The following PUM2 variants were observed in gnomAD, a reference collection of about 807,000 sequenced individuals.
PUM2 encodes the protein pumilio RNA binding family member 2.
In PUM2, 57 loss-of-function variants were observed where a neutral mutation model predicts 124.5. The observed-to-expected ratio is 0.46, with a 90% CI of 0.37 to 0.57. The LOEUF (loss-of-function observed/expected upper bound fraction) is 0.57. PUM2 is among the 20% of genes least tolerant of loss of function. The probability of loss-of-function intolerance (pLI) is 0.00; values close to 1 mark genes in which losing one functional copy is unlikely to be tolerated. For synonymous variants in PUM2, 460 were observed against 446.1 expected, an observed-to-expected ratio of 1.03 and a Z score of -0.39; for missense variants, 1,065 against 1,290.6, an observed-to-expected ratio of 0.83 and a Z score of 2.68.
rs182561429 is a variant in PUM2, at chr2:20,268,174, C to T, written c.1958-4714G>A. Among the ~76,000 whole-genome samples the T allele has an allele frequency of 1.1e-4, 16 of 152,286 alleles. No homozygotes were observed. In the East Asian group the frequency reaches 2.5e-3, roughly 24 times the overall value. Reference sequence around the variant, plus strand: ...TAAGAATACAGATTCCTGACCCTTACTTAAGACATAGATAATTACTCCTTC... The same window carrying T: ...TAAGAATACAGATTCCTGACCCTTATTTAAGACATAGATAATTACTCCTTC... On this transcript the variant is annotated intron_variant, in intron 13 of 20. Transcript: ENST00000361078.
rs1291205385 is a variant in PUM2 at position 20,267,612 on chromosome 2, A to C, written c.1958-4152T>G. Among the ~76,000 whole-genome samples, 9 of 152,306 alleles carry C rather than the reference A, an allele frequency of 5.9e-5. No individual in the cohort carries two copies. In the East Asian group the frequency reaches 1.5e-3, roughly 26 times the overall value. ...AGAGATAAGGTCTTTTCATTTCGTCATTCAGTCCCCACTATCATTCATGAC... is the reference window on the plus strand; with the variant it reads ...AGAGATAAGGTCTTTTCATTTCGTCCTTCAGTCCCCACTATCATTCATGAC... On this transcript the variant is annotated intron_variant, in intron 13 of 20. Transcript: ENST00000361078.
chr2:20,294,312 A>C, intron 9 of PUM2, 64 bp downstream of exon 9: 12 of 1,558,542 alleles, frequency 7.7e-6, no homozygotes, highest in Non-Finnish European at 1.0e-5. Context: ...CACAAATCTT[A>C]AACATTAGGA....
Position 20,327,335 on chromosome 2 carries a change from G to C in PUM2, c.26C>G (p.Ala9Gly), listed in dbSNP as rs1206775490. The part of the protein sequence containing the change: MNHDFQAL[A>G]LESRGMGELL... Reference sequence around the variant, plus strand: ...CTCTCCCATTCCCCGAGATTCTAATGCAAGAGCTTGAAAATCATGATTCAT... The same window carrying C: ...CTCTCCCATTCCCCGAGATTCTAATCCAAGAGCTTGAAAATCATGATTCAT... Residue 9 changes from alanine (A) to glycine (G), a missense_variant, in exon 2 of 21, where the codon GCA becomes GGA. Coordinates refer to ENST00000361078, the MANE Select transcript of PUM2 (RefSeq NM_015317.5). 1 of 1,581,200 alleles carries C rather than the reference G, an allele frequency of 6.3e-7. No homozygotes were observed. The highest frequency in any genetic ancestry group is 1.4e-5 in the African/African-American group (1 of 74,006).
At chr2:20,298,014 A>C (rs1046891644) in intron 7 of PUM2, among the ~76,000 whole-genome samples, 3 of 152,250 alleles carry the variant, frequency 2.0e-5, no homozygotes, top group Non-Finnish European at 4.4e-5. Flanking sequence ...GACTGGCATA[A>C]AATAAATGTG....
chr2:20,314,235 T>C (rs1424674228), intron 3 of PUM2, among the ~76,000 whole-genome samples: 5 of 152,182 alleles, frequency 3.3e-5, no homozygotes, highest in East Asian at 3.8e-4. Flanking sequence ...ACGCACTGGA[T>C]AGATCAGAAC....
rs907024510 is a variant in PUM2, at chr2:20,250,238, T to A, written c.*1347A>T. On this transcript the variant is annotated 3_prime_UTR_variant, in exon 21 of 21. Transcript: ENST00000361078. Reference sequence around the variant, plus strand: ...ACAACTATGTTATAAAACAAAATGATCTCACAATAATAAAAAGAAAGCTGG... The same window carrying A: ...ACAACTATGTTATAAAACAAAATGAACTCACAATAATAAAAAGAAAGCTGG... The A allele has an allele frequency of 5.9e-5, 9 of 152,458 alleles. No homozygotes were observed. The highest frequency in any genetic ancestry group is 1.7e-4 in the African/African-American group (7 of 41,388). 9.4% of individuals were successfully genotyped at this position (152,458 alleles called of 1,614,324 possible). A position where few individuals can be genotyped will look rare whatever the true frequency, so the allele number is the denominator to read the frequency against.
intron 3 of PUM2, 77 bp downstream of exon 3, chr2:20,318,460 T>C (rs1681525021): frequency 8.4e-6 from 11 of 1,313,416 alleles, no homozygotes; most frequent in Admixed American, 8.3e-5. Context: ...GGAGACTCAC[T>C]CTAAAAAAAA....
chr2:20,293,788 T>C (rs935419627), intron 9 of PUM2, among the ~76,000 whole-genome samples: 3 of 152,092 alleles, frequency 2.0e-5, no homozygotes, highest in Admixed American at 6.5e-5. Flanking sequence ...AGCAATACCA[T>C]GGTGCTTCTT....
intron 20 of PUM2, among the ~76,000 whole-genome samples, chr2:20,253,015 T>C (rs741189): frequency 0.029 from 4,356 of 152,280 alleles, 62 homozygotes; most frequent in Middle Eastern, 0.048. Context: ...TATATGCAAA[T>C]ACTATACGCT....
intron 1 of PUM2, among the ~76,000 whole-genome samples, chr2:20,345,744 C>CG (rs1173805549): frequency 3.9e-5 from 6 of 152,014 alleles, no homozygotes; most frequent in Non-Finnish European, 5.9e-5. Context: ...TGGTGGTGGG[C>CG]GCCTGTAATC....
At position 20,308,502 on chromosome 2, in the gene PUM2, C is replaced by A; in HGVS notation, c.601G>T (p.Gly201Trp). ...TTAGCTGTAGGATTAGGAAGAGGCC[C>A]CAGTCCTTCTGAGGGATTAGTATTG... The part of the protein sequence containing the change: ...GPNTNPSEGL[G>W]PLPNPTANKP... Residue 201 changes from glycine (G) to tryptophan (W), a missense_variant, in exon 6 of 21, where the codon GGG becomes TGG. Coordinates refer to ENST00000361078, the MANE Select transcript of PUM2 (RefSeq NM_015317.5). 1 of 1,614,110 alleles carries A rather than the reference C, an allele frequency of 6.2e-7. No individual in the cohort carries two copies. The highest frequency in any genetic ancestry group is 1.1e-5 in the South Asian group (1 of 91,072).
chr2:20,291,295 G>A (rs1291129952), intron 9 of PUM2, among the ~76,000 whole-genome samples: 1 of 152,188 alleles, frequency 6.6e-6, no homozygotes, highest in African/African-American at 2.4e-5. Context: ...CAACATCGAA[G>A]AAACTTTCCT....
intron 20 of PUM2, among the ~76,000 whole-genome samples, chr2:20,252,199 C>T (rs533374280): frequency 6.6e-6 from 1 of 152,276 alleles, no homozygotes; most frequent in African/African-American, 2.4e-5. Flanking sequence ...TAGGTAGACA[C>T]TTAGAGGCCA....
At chr2:20,340,978 T>C (rs905116356) in intron 1 of PUM2, among the ~76,000 whole-genome samples, 1 of 152,246 alleles carries the variant, frequency 6.6e-6, no homozygotes, top group Non-Finnish European at 1.5e-5. Context: ...AGAGTATTAA[T>C]GACACATCAA....
At chr2:20,317,669 A>G (rs1681315519) in intron 3 of PUM2, among the ~76,000 whole-genome samples, 1 of 152,054 alleles carries the variant, frequency 6.6e-6, no homozygotes, top group Non-Finnish European at 1.5e-5. Flanking sequence ...TAAAAAAAGT[A>G]CCTGATGGGT....
chr2:20,291,508 T>C (rs1442664057), intron 9 of PUM2, among the ~76,000 whole-genome samples: 1 of 152,230 alleles, frequency 6.6e-6, no homozygotes, highest in African/African-American at 2.4e-5. Flanking sequence ...GAGAAGAGAA[T>C]GTTGAACAAG....
In PUM2 at chr2:20,318,268, C is replaced by T. The variant is rs202244652; in HGVS notation, c.160+269G>A. 8.5e-5 allele frequency among the ~76,000 whole-genome samples: 13 copies of T among 152,204 alleles called. No homozygotes were observed. The East Asian group carries it at 2.5e-3, about 29-fold the overall frequency. The stretch of plus-strand genomic sequence containing the variant: ...AACCCTTGATAAAATCTTACTGTGA[C>T]AAACACTTCTAAAATTACATTTCTT... On this transcript the variant is annotated intron_variant, in intron 3 of 20. Coordinates refer to ENST00000361078, the MANE Select transcript of PUM2 (RefSeq NM_015317.5).
chr2:20,283,871 G>A (rs1250494548), intron 10 of PUM2, among the ~76,000 whole-genome samples: 1 of 152,160 alleles, frequency 6.6e-6, no homozygotes, highest in Non-Finnish European at 1.5e-5. Context: ...TGTTTACTGT[G>A]CAATTTCATT....
At chr2:20,264,769 G>A (rs73214384) in intron 13 of PUM2, among the ~76,000 whole-genome samples, 5,439 of 152,148 alleles carry the variant, frequency 0.036, 298 homozygotes, top group African/African-American at 0.12. Context: ...ATGGTCCCAA[G>A]GATACACTGT....
Sources: allele counts gnomAD v4.1 joint callset (sites outside exome capture counted in the v4.1 genomes callset), GRCh38; gene constraint gnomAD v4.1.1; transcripts MANE v1.5; gene names NCBI Gene and HGNC (gene_info 2026-07-23, HGNC 2026-07-21).